Variants in TINAG observed in about 807,000 individuals in gnomAD.
TINAG encodes tubulointerstitial nephritis antigen.
A neutral mutation model predicts 72.7 loss-of-function variants in TINAG; 83 were observed. The observed-to-expected ratio is 1.14, with a 90% CI of 0.96 to 1.37. TINAG has a LOEUF of 1.37. TINAG is among the 40% of genes most tolerant of loss of function. The probability of loss-of-function intolerance (pLI) is 0.00; values close to 1 mark genes in which losing one functional copy is unlikely to be tolerated. For missense variants in TINAG, 685 were observed against 576.6 expected (o/e 1.19, Z -1.93); for synonymous variants, 234 against 189.9 (o/e 1.23, Z -1.91).
chr6:54,350,029 T>C, intron 7 of TINAG, 133 bp downstream of exon 7: 1 of 569,230 alleles, frequency 1.8e-6, no homozygotes, highest in Non-Finnish European at 2.4e-6. Context: ...CATGTATAAT[T>C]TTTAATATTT....
intron 5 of TINAG, among the ~76,000 whole-genome samples, chr6:54,344,144 G>T (rs1341560365): frequency 2.0e-5 from 3 of 152,124 alleles, no homozygotes; most frequent in African/African-American, 7.2e-5. Context: ...TTTCAACAGT[G>T]TTCAAAGACA....
At chr6:54,376,542 GA>G (rs1295926802) in intron 9 of TINAG, among the ~76,000 whole-genome samples, 1 of 151,714 alleles carries the variant, frequency 6.6e-6, no homozygotes, top group Non-Finnish European at 1.5e-5. Context: ...CCAAAGAAAA[GA>G]AAAAAATATC....
chr6:54,313,408 A>G (rs1475012447), intron 1 of TINAG, among the ~76,000 whole-genome samples: 1 of 152,030 alleles, frequency 6.6e-6, no homozygotes, highest in African/African-American at 2.4e-5. Flanking sequence ...TACTTAACAG[A>G]CCCTTCTGTA....
At chr6:54,364,563 A>C (rs984985331) in intron 9 of TINAG, among the ~76,000 whole-genome samples, 1 of 151,392 alleles carries the variant, frequency 6.6e-6, no homozygotes, top group Non-Finnish European at 1.5e-5. Flanking sequence ...TTCTGATCTC[A>C]GTGATTTTAG....
At chr6:54,320,224 T>A (rs987992884) in intron 1 of TINAG, among the ~76,000 whole-genome samples, 27 of 152,174 alleles carry the variant, frequency 1.8e-4, no homozygotes, top group African/African-American at 6.3e-4. Context: ...GTTGTTTTTT[T>A]AAATGAGACA....
intron 2 of TINAG, 146 bp downstream of exon 2, chr6:54,320,788 G>A (rs926732586): frequency 1.8e-6 from 1 of 565,242 alleles, no homozygotes; most frequent in Non-Finnish European, 3.0e-6. Context: ...CTGTAACTTT[G>A]TATAAGCATA....
intron 4 of TINAG, among the ~76,000 whole-genome samples, chr6:54,335,736 C>T (rs3777647): frequency 0.063 from 9,603 of 152,176 alleles, 553 homozygotes; most frequent in East Asian, 0.3. Context: ...ACAGTGACAA[C>T]GAATTTCTTT....
intron 10 of TINAG, among the ~76,000 whole-genome samples, chr6:54,382,455 G>A (rs1209182846): frequency 1.3e-5 from 2 of 152,092 alleles, no homozygotes; most frequent in South Asian, 2.1e-4. Context: ...AACTAATCAA[G>A]TAATTAAAAT....
chr6:54,371,794 C>A (rs558283492), intron 9 of TINAG, among the ~76,000 whole-genome samples: 192 of 151,940 alleles, frequency 1.3e-3, no homozygotes, highest in African/African-American at 4.4e-3. Context: ...TGCATTAAAT[C>A]ACTGTGGTAG....
upstream of TINAG, chr6:54,307,961 C>T (rs553123227): frequency 1.1e-5 from 15 of 1,391,094 alleles, no homozygotes; most frequent in African/African-American, 1.7e-4. Context: ...AATCAAAACG[C>T]TTCTGGTAGG....
At chr6:54,310,753 TC>T (rs1421691882) in intron 1 of TINAG, among the ~76,000 whole-genome samples, 26 of 146,782 alleles carry the variant, frequency 1.8e-4, no homozygotes, top group Non-Finnish European at 3.1e-4. Context: ...CTCTTCTCTT[TC>T]TTTTTTCTCT....
chr6:54,324,119 G>A (rs1022929984), intron 3 of TINAG, among the ~76,000 whole-genome samples: 1 of 152,166 alleles, frequency 6.6e-6, no homozygotes, highest in Non-Finnish European at 1.5e-5. Flanking sequence ...AATAAAGGGA[G>A]ATATATAAGT....
rs1288607570 is a variant in TINAG, at chr6:54,354,542, C to T, written c.1156C>T (p.His386Tyr). Residue 386 changes from histidine to tyrosine, a missense_variant, in exon 9 of 11, where the codon CAT becomes TAT. Transcript: ENST00000259782. Reference sequence around the variant, plus strand: ...AATGCAAGTCCGTGAAGATTTCTTCCATTATAAGACAGGGATATACAGACA... The same window carrying T: ...AATGCAAGTCCGTGAAGATTTCTTCTATTATAAGACAGGGATATACAGACA... ...AIMQVREDFFHYKTGIYRHVT... is the reference protein window; with the variant it reads ...AIMQVREDFFYYKTGIYRHVT... The T allele has an allele frequency of 4.4e-6, 7 of 1,605,180 alleles. No homozygotes were observed. The African/African-American group carries it at 9.4e-5, about 22-fold the overall frequency.
chr6:54,341,639 G>C (rs1225406375), intron 4 of TINAG, among the ~76,000 whole-genome samples: 1 of 151,934 alleles, frequency 6.6e-6, no homozygotes, highest in Non-Finnish European at 1.5e-5. Context: ...AACATTCCTT[G>C]TTTTAATCTT....
chr6:54,352,523 A>C (rs573717250), intron 8 of TINAG, among the ~76,000 whole-genome samples: 12 of 151,936 alleles, frequency 7.9e-5, no homozygotes, highest in African/African-American at 2.9e-4. Flanking sequence ...TGGTTATTTG[A>C]AGAGTGAGGG....
intron 9 of TINAG, among the ~76,000 whole-genome samples, chr6:54,371,824 T>C (rs1763616439): frequency 6.6e-6 from 1 of 151,976 alleles, no homozygotes; most frequent in Admixed American, 6.6e-5. Flanking sequence ...CTTTTTTAGT[T>C]GGGAAATACC....
chr6:54,343,449 A>G (rs1439461167), intron 5 of TINAG, 100 bp downstream of exon 5: 24 of 1,104,900 alleles, frequency 2.2e-5, no homozygotes, highest in Middle Eastern at 2.2e-4. Context: ...ATATTTAAAT[A>G]TTAGCATATG....
intron 1 of TINAG, among the ~76,000 whole-genome samples, chr6:54,315,968 C>A (rs981769764): frequency 7.2e-5 from 11 of 152,294 alleles, no homozygotes; most frequent in Non-Finnish European, 5.9e-5. Context: ...AAATCACAGT[C>A]CATACTTTGC....
At chr6:54,370,020 C>T (rs970803754) in intron 9 of TINAG, 2 of 151,820 alleles carry the variant, frequency 1.3e-5, no homozygotes, top group African/African-American at 2.4e-5. Context: ...TCACACAGAC[C>T]TAGAGGAAAG....
Sources: allele counts gnomAD v4.1 joint callset (sites outside exome capture counted in the v4.1 genomes callset), GRCh38; gene constraint gnomAD v4.1.1; transcripts MANE v1.5; gene names NCBI Gene and HGNC (gene_info 2026-07-23, HGNC 2026-07-21).